Variants in CYP1A2 observed in about 807,000 individuals in gnomAD.
The protein encoded by CYP1A2 is cytochrome P450 1A2.
CYP1A2 carries 35 observed loss-of-function variants against 34.7 expected under a neutral mutation model. The observed-to-expected ratio is 1.01, with a 90% CI of 0.77 to 1.34. The LOEUF is 1.34. CYP1A2 is among the 40% of genes most tolerant of loss of function. CYP1A2 has a pLI of 0.00. For synonymous variants in CYP1A2, 288 were observed against 281.9 expected, an observed-to-expected ratio of 1.02 and a Z score of -0.22; for missense variants, 675 against 675.8, an observed-to-expected ratio of 1.00 and a Z score of 0.01.
Position 74,751,171 on chromosome 15 carries a change from A to G in CYP1A2, c.832-18A>G. On this transcript the variant is annotated intron_variant, in intron 2 of 6. Coordinates refer to ENST00000343932, the MANE Select transcript of CYP1A2 (RefSeq NM_000761.5). ...CCTTGGAAGTGCCAGAGGTGCCCCT[A>G]AGCTTGTGCCCCCTCAGAACAGTGT... 1 of 1,613,556 alleles carries G rather than the reference A, an allele frequency of 6.2e-7. No individual in the cohort carries two copies. Among genetic ancestry groups the G allele is most frequent in the Non-Finnish European group, 8.5e-7 (1 of 1,179,720 alleles).
Position 74,751,186 on chromosome 15 carries a change from C to G in CYP1A2, c.832-3C>G, listed in dbSNP as rs1280991937. ...AGGTGCCCCTAAGCTTGTGCCCCCT[C>G]AGAACAGTGTCCGGGACATCACGGG... On this transcript the variant is annotated splice_region_variant and splice_polypyrimidine_tract_variant and intron_variant, in intron 2 of 6. Transcript: ENST00000343932. 7.4e-6 allele frequency: 12 copies of G among 1,613,954 alleles called. No homozygotes were observed. The highest frequency in any genetic ancestry group is 1.1e-5 in the South Asian group (1 of 91,062).
intron 4 of CYP1A2, 72 bp from the exon 5 acceptor site, chr15:74,752,052 G>A: frequency 6.3e-7 from 1 of 1,594,912 alleles, no homozygotes; most frequent in Non-Finnish European, 8.5e-7. Context: ...AGTGACATGG[G>A]GTATAAGAGG....
Position 74,754,832 on chromosome 15 carries a change from T to C in CYP1A2, c.1295T>C (p.Phe432Ser), listed in dbSNP as rs201485133. Reference sequence around the variant, plus strand: ...CCCTCTGAGTTCCGGCCTGAGCGGTTCCTCACCGCCGATGGCACTGCCATT... The same window carrying C: ...CCCTCTGAGTTCCGGCCTGAGCGGTCCCTCACCGCCGATGGCACTGCCATT... ...EDPSEFRPER[F>S]LTADGTAINK... The change falls in exon 7 of 7, where the codon TTC becomes TCC. Residue 432 changes from phenylalanine (F) to serine (S), a missense_variant. By Grantham distance (155) the Phe-to-Ser change is radical. Transcript: ENST00000343932. 17 of 1,614,044 alleles carry C rather than the reference T, an allele frequency of 1.1e-5. No homozygotes were observed. In the African/African-American group the frequency reaches 1.6e-4, roughly 15 times the overall value.
In CYP1A2 at chr15:74,752,127, CTG is replaced by C. The variant is rs1399629995; in HGVS notation, c.1049_1050del (p.Val350AspfsTer11). 6.2e-7 allele frequency: 1 copy of C among 1,613,852 alleles called. No homozygotes were observed. Among genetic ancestry groups the C allele is most frequent in the Non-Finnish European group, 8.5e-7 (1 of 1,179,934 alleles). The stretch of plus-strand genomic sequence containing the variant: ...GCTTGTCCTCTGTGTTCTACAGACA[CTG>C]TGATTGGCAGGGAGCGGCGGCCCCG... On this transcript the variant is annotated frameshift_variant, in exon 5 of 7. Transcript: ENST00000343932. LOFTEE classifies it high-confidence loss of function.
chr15:74,754,383 T>G (rs1378337498), intron 6 of CYP1A2, among the ~76,000 whole-genome samples: 1 of 142,322 alleles, frequency 7.0e-6, no homozygotes, highest in Non-Finnish European at 1.5e-5. Flanking sequence ...GGAAGGTGGA[T>G]CGCTTGAGCT....
chr15:74,752,153 C>G lies in CYP1A2; in HGVS notation c.1072C>G (p.Arg358Gly). The change falls in exon 5 of 7, where the codon CGG becomes GGG. Residue 358 changes from arginine (R) to glycine (G), a missense_variant. Coordinates refer to ENST00000343932, the MANE Select transcript of CYP1A2 (RefSeq NM_000761.5). ...TGTGATTGGCAGGGAGCGGCGGCCC[C>G]GGCTCTCTGACAGACCCCAGCTGCC... ...DTVIGRERRP[R>G]LSDRPQLPYL... The G allele has an allele frequency of 6.2e-7, 1 of 1,614,004 alleles. No individual in the cohort carries two copies. The highest frequency in any genetic ancestry group is 8.5e-7 in the Non-Finnish European group (1 of 1,179,966).
In CYP1A2 at chr15:74,750,240, G is replaced by A. The variant is rs72547512; in HGVS notation, c.502G>A (p.Glu168Lys). Residue 168 changes from glutamate (E) to lysine (K), a missense_variant, in exon 2 of 7, where the codon GAG becomes AAG. Glu to Lys is a moderately conservative substitution (Grantham distance 56). Transcript: ENST00000343932. ...CTACCTGGAGGAGCATGTGAGCAAG[G>A]AGGCTAAGGCCCTGATCAGCAGGTT... is the stretch of plus-strand genomic sequence containing the variant. Reference protein sequence around the residue: ...SCYLEEHVSKEAKALISRLQE... With the variant: ...SCYLEEHVSKKAKALISRLQE... The A allele has an allele frequency of 1.2e-6, 2 of 1,614,210 alleles. No individual in the cohort carries two copies. Among genetic ancestry groups the A allele is most frequent in the Non-Finnish European group, 8.5e-7 (1 of 1,180,036 alleles).
intron 2 of CYP1A2, 148 bp downstream of exon 2, chr15:74,750,717 C>T (rs1020691866): frequency 5.4e-5 from 36 of 665,280 alleles, no homozygotes; most frequent in Non-Finnish European, 8.4e-5. Context: ...GACCTGGAGC[C>T]GACTCTTCCC....
At chr15:74,752,320 T>A in intron 5 of CYP1A2, 73 bp downstream of exon 5, 1 of 1,584,352 alleles carries the variant, frequency 6.3e-7, no homozygotes, top group Non-Finnish European at 8.6e-7. Context: ...TTCTCAGCCC[T>A]GGCCCTGGCT....
chr15:74,750,993 G>A (rs1453980438), intron 2 of CYP1A2, among the ~76,000 whole-genome samples, 196 bp from the exon 3 acceptor site: 2 of 152,128 alleles, frequency 1.3e-5, no homozygotes, highest in Non-Finnish European at 2.9e-5. Flanking sequence ...AAGGGTCAAT[G>A]GGGCATAAAA....
rs2063331850 is a variant in CYP1A2, at chr15:74,755,008, C to A, written c.1471C>A (p.Leu491Met). The change falls in exon 7 of 7, where the codon CTG (leucine) becomes ATG (methionine). Residue 491 changes from leucine to methionine, a missense_variant. Transcript: ENST00000343932. ...FSVPPGVKVD[L>M]TPIYGLTMKH... ...CGTGCCGCCGGGCGTGAAAGTCGAC[C>A]TGACCCCCATCTACGGGCTGACCAT... 1 of 1,614,202 alleles carries A rather than the reference C, an allele frequency of 6.2e-7. No individual in the cohort carries two copies. Among genetic ancestry groups the A allele is most frequent in the African/African-American group, 1.3e-5 (1 of 75,060 alleles).
At chr15:74,753,292 A>T in intron 6 of CYP1A2, 22 bp downstream of exon 6, 1 of 1,596,646 alleles carries the variant, frequency 6.3e-7, no homozygotes, top group Non-Finnish European at 8.6e-7. Flanking sequence ...CCCCTCACGA[A>T]AAAATGTGTG....
rs2063317694 is a variant in CYP1A2 at position 74,751,998 on chromosome 15, G to A, written c.1043-126G>A. The A allele has an allele frequency of 2.0e-6, 3 of 1,533,788 alleles. No individual in the cohort carries two copies. The African/African-American group carries it at 4.1e-5, about 21-fold the overall frequency. On this transcript the variant is annotated intron_variant, in intron 4 of 6. Transcript: ENST00000343932. Reference sequence around the variant, plus strand: ...CTGCCCTTGCCTAGAAGATGTGGGAGGTTAGTGGGGTCGCAGACTTGTGAA... The same window carrying A: ...CTGCCCTTGCCTAGAAGATGTGGGAAGTTAGTGGGGTCGCAGACTTGTGAA...
At chr15:74,753,412 G>GT in intron 6 of CYP1A2, 142 bp downstream of exon 6, 1 of 649,968 alleles carries the variant, frequency 1.5e-6, no homozygotes, top group Non-Finnish European at 2.6e-6. Flanking sequence ...ATTTACAAAA[G>GT]TTTCACAAAC....
At position 74,751,770 on chromosome 15, in the gene CYP1A2, GAC is replaced by G. The variant is rs1256025502; in HGVS notation, c.962_963del (p.Thr321SerfsTer17). On this transcript the variant is annotated frameshift_variant, in exon 4 of 7. Coordinates refer to ENST00000343932, the MANE Select transcript of CYP1A2 (RefSeq NM_000761.5). LOFTEE classifies it high-confidence loss of function. ...CCTTACACTACACGGTTCAGGATTT[GAC>G]ACAGTCACCACAGCCATCTCCTGGA... ...LVNDIFGAGF[D>X]TVTTAISWSL... 1 of 1,613,878 alleles carries G rather than the reference GAC, an allele frequency of 6.2e-7. No homozygotes were observed. Among genetic ancestry groups the G allele is most frequent in the East Asian group, 2.2e-5 (1 of 44,882 alleles).
chr15:74,755,192 C>T lies in CYP1A2; in HGVS notation c.*104C>T. The T allele has an allele frequency of 7.6e-7, 1 of 1,309,012 alleles. No individual in the cohort carries two copies. The highest frequency in any genetic ancestry group is 1.0e-6 in the Non-Finnish European group (1 of 965,336). The allele number at this position is 1,309,012 out of a possible 1,614,324, so 81.1% of individuals were successfully genotyped here. On this transcript the variant is annotated 3_prime_UTR_variant, in exon 7 of 7. Transcript: ENST00000343932. The stretch of plus-strand genomic sequence containing the variant: ...TTTTTTTAAAAAATAGCAGCTTTAG[C>T]CAAGTGCAGGGCCTGTAATCCCAGC...
In CYP1A2 at chr15:74,755,360, AAC is replaced by A. The variant is rs1206091852; in HGVS notation, c.*274_*275del. Reference sequence around the variant, plus strand: ...AGCAAGACCCCATCTCAAAAAAAAAAACAAACAAACAAAAAAAAAACCATATA... The same window carrying A: ...AGCAAGACCCCATCTCAAAAAAAAAAAAACAAACAAAAAAAAAACCATATA... On this transcript the variant is annotated 3_prime_UTR_variant, in exon 7 of 7. Coordinates refer to ENST00000343932, the MANE Select transcript of CYP1A2 (RefSeq NM_000761.5). 82 of 295,218 alleles carry A rather than the reference AAC, an allele frequency of 2.8e-4. No homozygotes were observed. Among genetic ancestry groups the A allele is most frequent in the South Asian group, 1.4e-3 (20 of 13,908 alleles). 18.3% of individuals were successfully genotyped at this position (295,218 alleles called of 1,614,324 possible). A position where few individuals can be genotyped will look rare whatever the true frequency, so the allele number is the denominator to read the frequency against.
Position 74,749,967 on chromosome 15 carries a change from C to G in CYP1A2, c.229C>G (p.Gln77Glu), listed in dbSNP as rs899874249. 15 of 1,613,932 alleles carry G rather than the reference C, an allele frequency of 9.3e-6. No homozygotes were observed. Among genetic ancestry groups the G allele is most frequent in the Non-Finnish European group, 1.3e-5 (15 of 1,179,958 alleles). Residue 77 changes from glutamine (Q) to glutamate (E), a missense_variant, in exon 2 of 7, where the codon CAG becomes GAG. Physicochemically the swap from Gln to Glu is conservative, Grantham distance 29. Coordinates refer to ENST00000343932, the MANE Select transcript of CYP1A2 (RefSeq NM_000761.5). Reference protein sequence around the residue: ...RMSQRYGDVLQIRIGSTPVLV... With the variant: ...RMSQRYGDVLEIRIGSTPVLV... The stretch of plus-strand genomic sequence containing the variant: ...GAGCCAGCGCTACGGGGACGTCCTG[C>G]AGATCCGCATTGGCTCCACGCCCGT...
Position 74,750,346 on chromosome 15 carries a change from T to C in CYP1A2, c.608T>C (p.Met203Thr), listed in dbSNP as rs766404946. ...VVSVANVIGA[M>T]CFGQHFPESS... Reference sequence around the variant, plus strand: ...TCAGTGGCCAACGTCATTGGTGCCATGTGCTTCGGACAGCACTTCCCTGAG... The same window carrying C: ...TCAGTGGCCAACGTCATTGGTGCCACGTGCTTCGGACAGCACTTCCCTGAG... Residue 203 changes from methionine to threonine, a missense_variant, in exon 2 of 7, where the codon ATG (methionine) becomes ACG (threonine). Transcript: ENST00000343932. The C allele has an allele frequency of 6.2e-7, 1 of 1,614,094 alleles. No individual in the cohort carries two copies. The highest frequency in any genetic ancestry group is 8.5e-7 in the Non-Finnish European group (1 of 1,180,012).
Sources: gnomAD v4.1 joint callset for allele counts (sites outside exome capture counted in the v4.1 genomes callset) on GRCh38, gnomAD v4.1.1 for gene constraint, MANE v1.5 for transcripts, NCBI Gene and HGNC (gene_info 2026-07-23, HGNC 2026-07-21) for gene names.